Variants in EVC observed in about 807,000 individuals in gnomAD.
The protein encoded by EVC is EvC ciliary complex subunit 1.
In EVC, 116 loss-of-function variants were observed where a neutral mutation model predicts 118.9. The ratio of observed to expected loss-of-function variants is 0.98; its 90% CI spans 0.84 to 1.14. The LOEUF (loss-of-function observed/expected upper bound fraction) is 1.14, where lower values mean the gene tolerates loss of function less well. Ranked by LOEUF, EVC falls within the 50% of genes most tolerant of loss-of-function variation. EVC has a pLI of 0.00. For synonymous variants in EVC, 619 were observed against 534.7 expected, an observed-to-expected ratio of 1.16 and a Z score of -2.18; for missense variants, 1,401 against 1,246.4, an observed-to-expected ratio of 1.12 and a Z score of -1.87.
chr4:5,827,939 C>G, the EVC span: 1 of 671,104 alleles, frequency 1.5e-6, no homozygotes, highest in Non-Finnish European at 1.8e-6. Flanking sequence ...TGACAGATGT[C>G]CTGAGGTCAG....
intron 2 of EVC, among the ~76,000 whole-genome samples, chr4:5,728,632 G>C (rs1044685517): frequency 2.0e-5 from 3 of 152,204 alleles, no homozygotes; most frequent in Non-Finnish European, 4.4e-5. Flanking sequence ...TTCGAGGGCA[G>C]CTACTCTGCT....
At chr4:5,745,477 T>A in intron 7 of EVC, 136 bp downstream of exon 7, 1 of 892,820 alleles carries the variant, frequency 1.1e-6, no homozygotes, top group Non-Finnish European at 1.8e-6. Flanking sequence ...AGAGGCAGGA[T>A]CCAGTTTCTG....
In EVC at chr4:5,764,167, T is replaced by C. The variant is rs1402981462; in HGVS notation, c.1563+7805T>C. 7.3e-4 allele frequency among the ~76,000 whole-genome samples: 104 copies of C among 141,962 alleles called. No homozygotes were observed. The East Asian group carries it at 0.02, about 27-fold the overall frequency. The allele number at this position is 141,962 out of a possible 152,430, so 93.1% of individuals were successfully genotyped here. A position where few individuals can be genotyped will look rare whatever the true frequency, so the allele number is the denominator to read the frequency against. On this transcript the variant is annotated intron_variant, in intron 11 of 20. Transcript: ENST00000264956. ...TGCATCTATTGAGATAATCATGTGGTTTTTGTCTTTGGTTCTGTTTATATG... is the reference window on the plus strand; with the variant it reads ...TGCATCTATTGAGATAATCATGTGGCTTTTGTCTTTGGTTCTGTTTATATG...
intron 2 of EVC, among the ~76,000 whole-genome samples, chr4:5,727,400 C>T (rs1726033911): frequency 6.6e-6 from 1 of 151,870 alleles, no homozygotes; most frequent in Non-Finnish European, 1.5e-5. Context: ...ATGTCCTTCG[C>T]CCACTTTTTG....
At chr4:5,806,712 G>A (rs1317988428) in intron 17 of EVC, among the ~76,000 whole-genome samples, 1 of 152,168 alleles carries the variant, frequency 6.6e-6, no homozygotes, top group Non-Finnish European at 1.5e-5. Flanking sequence ...ACCCAGTAGT[G>A]GGATTGCTGG....
At chr4:5,728,161 G>A (rs1350679481) in intron 2 of EVC, among the ~76,000 whole-genome samples, 1 of 152,134 alleles carries the variant, frequency 6.6e-6, no homozygotes, top group Admixed American at 6.5e-5. Context: ...AATTACCTTG[G>A]GCAGTATGGC....
chr4:5,747,745 C>T (rs1311509541), intron 7 of EVC, among the ~76,000 whole-genome samples: 2 of 152,194 alleles, frequency 1.3e-5, no homozygotes, highest in Non-Finnish European at 2.9e-5. Flanking sequence ...AATATTTAAA[C>T]ATCTGTTTAT....
chr4:5,735,238 G>A (rs903301126), intron 5 of EVC, among the ~76,000 whole-genome samples: 2 of 152,224 alleles, frequency 1.3e-5, no homozygotes, highest in Non-Finnish European at 2.9e-5. Flanking sequence ...AGCATCATGC[G>A]AGTGTGAAGG....
intron 11 of EVC, among the ~76,000 whole-genome samples, chr4:5,770,516 A>G (rs2152209379): frequency 6.6e-6 from 1 of 152,282 alleles, no homozygotes; most frequent in South Asian, 2.1e-4. Context: ...GCTGGGGCCT[A>G]GGAGTCAGGC....
In EVC at chr4:5,801,671, CAA is replaced by C. The variant is rs35554149; in HGVS notation, c.2305-259_2305-258del. The C allele has an allele frequency of 0.031, 7,565 of 243,472 alleles. 8 individuals are homozygous for C. The highest frequency in any genetic ancestry group is 0.047 in the African/African-American group (1,156 of 24,394). The allele number at this position is 243,472 out of a possible 1,614,324, so 15.1% of individuals were successfully genotyped here. ...TAGGCAACAGAGTGAGTCTCCATCT[CAA>C]AAAAAAAAAAAAAAAAAAAGATGCG... On this transcript the variant is annotated intron_variant, in intron 15 of 20. Coordinates refer to ENST00000264956, the MANE Select transcript of EVC (RefSeq NM_153717.3).
At chr4:5,772,117 C>CA (rs1219382864) in intron 11 of EVC, among the ~76,000 whole-genome samples, 3 of 152,040 alleles carry the variant, frequency 2.0e-5, no homozygotes, top group Non-Finnish European at 4.4e-5. Context: ...AGGATGGTCT[C>CA]AATCTCCTGA....
chr4:5,721,372 A>G (rs911728115), intron 2 of EVC, among the ~76,000 whole-genome samples: 11 of 152,218 alleles, frequency 7.2e-5, no homozygotes, highest in Non-Finnish European at 1.5e-4. Flanking sequence ...GAATGAACCT[A>G]GAAAACATGC....
intron 6 of EVC, among the ~76,000 whole-genome samples, chr4:5,744,322 A>G (rs1729039396): frequency 6.6e-6 from 1 of 152,198 alleles, no homozygotes; most frequent in South Asian, 2.1e-4. Flanking sequence ...ATATGGCCTC[A>G]GCTTGGGTCT....
chr4:5,782,798 T>G (rs1735818389), intron 11 of EVC, among the ~76,000 whole-genome samples: 1 of 152,026 alleles, frequency 6.6e-6, no homozygotes, highest in South Asian at 2.1e-4. Context: ...GGACTCATGA[T>G]AAGACGTGAA....
the EVC span, among the ~76,000 whole-genome samples, chr4:5,820,361 G>GAAGC: frequency 3.9e-5 from 6 of 152,068 alleles, no homozygotes; most frequent in Non-Finnish European, 7.4e-5. Flanking sequence ...ACAGCTAATG[G>GAAGC]AAGCAAGCAA....
At chr4:5,730,197 G>A (rs1438429116) in intron 3 of EVC, among the ~76,000 whole-genome samples, 3 of 152,038 alleles carry the variant, frequency 2.0e-5, no homozygotes, top group African/African-American at 4.8e-5. Context: ...GTTGTTTTGG[G>A]TGTTACACAA....
chr4:5,719,157 G>T lies in EVC; in HGVS notation c.175-91G>T. On this transcript the variant is annotated intron_variant, in intron 1 of 20. Transcript: ENST00000264956. This position sits in a 1 kb window ranked among gnomAD's most constrained non-coding sequence, Gnocchi z 4.7. Reference sequence around the variant, plus strand: ...CAGAAGTGGCTGCTGGACTGGGGGAGTTGACTGGCAAAAGTCACGGTGGGG... The same window carrying T: ...CAGAAGTGGCTGCTGGACTGGGGGATTTGACTGGCAAAAGTCACGGTGGGG... The T allele has an allele frequency of 6.4e-7, 1 of 1,557,004 alleles. No homozygotes were observed. The highest frequency in any genetic ancestry group is 8.8e-7 in the Non-Finnish European group (1 of 1,131,750).
chr4:5,731,571 C>A lies in EVC; in HGVS notation c.531C>A (p.Ser177Arg), dbSNP rs542910336. The change falls in exon 4 of 21, where the codon AGC (serine) becomes AGA (arginine). Residue 177 changes from serine to arginine, a missense_variant. Physicochemically the swap from Ser to Arg is moderately radical, Grantham distance 110. Transcript: ENST00000264956. This position sits in a 1 kb window ranked among gnomAD's most constrained non-coding sequence, Gnocchi z 5.6. The stretch of plus-strand genomic sequence containing the variant: ...AGGACGACTGCAGCTCCTCATCCAG[C>A]GTCCACTCGGCCACCAGCGATGACA... ...GEKDDCSSSS[S>R]VHSATSDDRF... The A allele has an allele frequency of 1.9e-6, 3 of 1,614,026 alleles. No individual in the cohort carries two copies. The highest frequency in any genetic ancestry group is 1.7e-6 in the Non-Finnish European group (2 of 1,180,042).
At chr4:5,752,683 T>C (rs1255477205) in intron 8 of EVC, 153 bp from the exon 9 acceptor site, 6 of 791,510 alleles carry the variant, frequency 7.6e-6, no homozygotes, top group African/African-American at 6.8e-5. Flanking sequence ...ATCTCGCTCA[T>C]GAAGGAGAGG....
Sources: gnomAD v4.1 joint callset for allele counts (sites outside exome capture counted in the v4.1 genomes callset) on GRCh38, gnomAD v4.1.1 for gene constraint, Gnocchi (gnomAD v3.1) non-coding constraint, MANE v1.5 for transcripts, NCBI Gene and HGNC (gene_info 2026-07-23, HGNC 2026-07-21) for gene names.